Variants in AIG1 observed in about 807,000 individuals in gnomAD.
AIG1 encodes the protein androgen induced 1.
In AIG1, 23 loss-of-function variants were observed where a neutral mutation model predicts 31.4. The observed-to-expected ratio is 0.73, with a 90% confidence interval of 0.53 to 1.04. AIG1 has a LOEUF of 1.04. AIG1 is among the 50% of genes least tolerant of loss of function. The pLI is 0.00. For missense variants in AIG1, 274 were observed against 295.0 expected, an observed-to-expected ratio of 0.93 and a Z score of 0.52; for synonymous variants, 100 against 110.5, an observed-to-expected ratio of 0.90 and a Z score of 0.60.
rs182704673 is a variant in AIG1, at chr6:143,247,344, A to G, written c.400-36766A>G. Among the ~76,000 whole-genome samples, 20 of 152,288 alleles carry G rather than the reference A, an allele frequency of 1.3e-4. No homozygotes were observed. The East Asian group carries it at 3.5e-3, about 27-fold the overall frequency. On this transcript the variant is annotated intron_variant, in intron 3 of 5. Coordinates refer to ENST00000357847, the MANE Select transcript of AIG1 (RefSeq NM_016108.4). ...ACGGGGCTTCCCCATGTTAGCCAGG[A>G]TGGTCTTGATCTCCTAACCTCATAA...
intron 2 of AIG1, among the ~76,000 whole-genome samples, chr6:143,145,134 C>T (rs989413114): frequency 1.3e-5 from 2 of 152,146 alleles, no homozygotes; most frequent in African/African-American, 4.8e-5. Context: ...AAGTGATCCT[C>T]GCACCTCAGC....
In AIG1 at chr6:143,102,409, G is replaced by A. The variant is rs9403442; in HGVS notation, c.142-34426G>A. Among the ~76,000 whole-genome samples the A allele has an allele frequency of 2.9e-3, 423 of 148,008 alleles. 9 individuals are homozygous for A. In the East Asian group the frequency reaches 0.05, roughly 18 times the overall value. ...CAGCCGGAAGGGAAGGACTTAAAAC[G>A]TTTCATGAGATATTAAATGGAAATG... On this transcript the variant is annotated intron_variant, in intron 1 of 5. Coordinates refer to ENST00000357847, the MANE Select transcript of AIG1 (RefSeq NM_016108.4).
At chr6:143,314,619 A>T (rs1316883579) in intron 4 of AIG1, among the ~76,000 whole-genome samples, 1 of 152,184 alleles carries the variant, frequency 6.6e-6, no homozygotes, top group African/African-American at 2.4e-5. Flanking sequence ...TATGCACAGG[A>T]TCTATATGCA....
intron 4 of AIG1, among the ~76,000 whole-genome samples, chr6:143,316,431 T>A (rs1775744226): frequency 6.6e-6 from 1 of 152,090 alleles, no homozygotes. Context: ...ACCAATCCCT[T>A]CTAGCTTGTA....
intron 3 of AIG1, among the ~76,000 whole-genome samples, chr6:143,247,042 G>A (rs1417820249): frequency 2.6e-5 from 4 of 152,166 alleles, no homozygotes; most frequent in Non-Finnish European, 2.9e-5. Flanking sequence ...CTGTCCCCAT[G>A]GAGTTATAGG....
At chr6:143,285,582 T>C (rs1003075027) in intron 4 of AIG1, among the ~76,000 whole-genome samples, 1 of 151,738 alleles carries the variant, frequency 6.6e-6, no homozygotes, top group Non-Finnish European at 1.5e-5. Flanking sequence ...AAGAATCTCT[T>C]GAACCCGGGA....
At chr6:143,303,596 G>T in intron 4 of AIG1, among the ~76,000 whole-genome samples, 1 of 150,968 alleles carries the variant, frequency 6.6e-6, no homozygotes, top group South Asian at 2.1e-4. Context: ...TCTCTGTTTT[G>T]GTACCAGTAC....
At position 143,265,167 on chromosome 6, in the gene AIG1, A is replaced by G. The variant is rs372590732; in HGVS notation, c.400-18943A>G. ...TTCCTCCTGCAAAGGAAGATGAACT[A>G]CAAGCCTGGCAGTTTCATTGTTGTG... On this transcript the variant is annotated intron_variant, in intron 3 of 5. Transcript: ENST00000357847. 4.0e-4 allele frequency among the ~76,000 whole-genome samples: 61 copies of G among 152,344 alleles called. No individual in the cohort carries two copies. In the East Asian group the frequency reaches 4.8e-3, roughly 12 times the overall value.
rs1188398126 is a variant in AIG1, at chr6:143,171,514, T to A, written c.399+6331T>A. Among the ~76,000 whole-genome samples, 10 of 128,494 alleles carry A rather than the reference T, an allele frequency of 7.8e-5. No homozygotes were observed. In the East Asian group the frequency reaches 2.1e-3, roughly 27 times the overall value. The allele number at this position is 128,494 out of a possible 152,430, so 84.3% of individuals were successfully genotyped here. ...ATATATAATATATATTTAATATATATAATATATATATTTAATATATATATT... is the reference window on the plus strand; with the variant it reads ...ATATATAATATATATTTAATATATAAAATATATATATTTAATATATATATT... On this transcript the variant is annotated intron_variant, in intron 3 of 5. Transcript: ENST00000357847.
chr6:143,294,754 C>A lies in AIG1; in HGVS notation c.515+10529C>A, dbSNP rs142490011. On this transcript the variant is annotated intron_variant, in intron 4 of 5. Coordinates refer to ENST00000357847, the MANE Select transcript of AIG1 (RefSeq NM_016108.4). Reference sequence around the variant, plus strand: ...CAATTTGATACTAAAACAAACCCCCCCTCTTCCTGATACACTCTGTTCCTC... The same window carrying A: ...CAATTTGATACTAAAACAAACCCCCACTCTTCCTGATACACTCTGTTCCTC... 7.9e-3 allele frequency among the ~76,000 whole-genome samples: 1,207 copies of A among 152,218 alleles called. 36 individuals are homozygous for A. The highest frequency in any genetic ancestry group is 0.048 in the Admixed American group (729 of 15,274).
At chr6:143,092,719 A>G (rs568765454) in intron 1 of AIG1, among the ~76,000 whole-genome samples, 93 of 152,276 alleles carry the variant, frequency 6.1e-4, no homozygotes, top group South Asian at 2.5e-3. Flanking sequence ...CACCAGTCTC[A>G]TTAGCCCCTA....
At position 143,284,147 on chromosome 6, in the gene AIG1, G is replaced by A. The variant is rs1412855348; in HGVS notation, c.437G>A (p.Arg146Lys). 8 of 1,613,874 alleles carry A rather than the reference G, an allele frequency of 5.0e-6. No homozygotes were observed. The highest frequency in any genetic ancestry group is 1.7e-5 in the Admixed American group (1 of 59,998). The change falls in exon 4 of 6, where the codon AGG (arginine) becomes AAG (lysine). Residue 146 changes from arginine to lysine, a missense_variant. Transcript: ENST00000357847. This position sits in a 1 kb window ranked among gnomAD's most constrained non-coding sequence, Gnocchi z 4.4. ...TVLPFILIEM[R>K]TSHHQYPSRS... ...CTGCCCTTTATATTAATCGAGATGAGGACATCGCACCATCAGTATCCCAGC... is the reference window on the plus strand; with the variant it reads ...CTGCCCTTTATATTAATCGAGATGAAGACATCGCACCATCAGTATCCCAGC...
intron 3 of AIG1, chr6:143,189,956 G>A (rs1346530875): frequency 3.6e-6 from 2 of 550,410 alleles, no homozygotes; most frequent in African/African-American, 4.1e-5. Context: ...GTTCTGATGA[G>A]GATCCTCTTC....
chr6:143,248,829 C>A (rs1189809912), intron 3 of AIG1, among the ~76,000 whole-genome samples: 1 of 152,146 alleles, frequency 6.6e-6, no homozygotes, highest in Admixed American at 6.5e-5. Flanking sequence ...CACAGGAGAT[C>A]CTGAAGCACA....
At chr6:143,114,659 G>A (rs1367842806) in intron 1 of AIG1, among the ~76,000 whole-genome samples, 1 of 152,192 alleles carries the variant, frequency 6.6e-6, no homozygotes. Flanking sequence ...TATTCAATGG[G>A]TGTCAGCTTG....
intron 2 of AIG1, among the ~76,000 whole-genome samples, chr6:143,156,980 G>C (rs1785834105): frequency 6.6e-6 from 1 of 152,204 alleles, no homozygotes; most frequent in Admixed American, 6.5e-5. Flanking sequence ...CCCTGACTCT[G>C]AAGAGGGAAT....
At chr6:143,308,936 T>A (rs1562579840) in intron 4 of AIG1, among the ~76,000 whole-genome samples, 1 of 151,764 alleles carries the variant, frequency 6.6e-6, no homozygotes, top group Non-Finnish European at 1.5e-5. Flanking sequence ...CTGCCATATA[T>A]AAAATATATT....
Position 143,340,008 on chromosome 6 carries a change from TA to T in AIG1, c.*333del, listed in dbSNP as rs1486423713. The stretch of plus-strand genomic sequence containing the variant: ...ATCTAATCAAGAAAGAATAAAAGTT[TA>T]TTGCACTTCTTTTTGAGAAATATGT... On this transcript the variant is annotated 3_prime_UTR_variant, in exon 6 of 6. Coordinates refer to ENST00000357847, the MANE Select transcript of AIG1 (RefSeq NM_016108.4). 8 of 205,968 alleles carry T rather than the reference TA, an allele frequency of 3.9e-5. No individual in the cohort carries two copies. The highest frequency in any genetic ancestry group is 7.7e-5 in the Non-Finnish European group (8 of 104,012). The allele number at this position is 205,968 out of a possible 1,614,324, so 12.8% of individuals were successfully genotyped here. A position where few individuals can be genotyped will look rare whatever the true frequency, so the allele number is the denominator to read the frequency against.
chr6:143,128,364 A>G (rs1321640053), intron 1 of AIG1, among the ~76,000 whole-genome samples: 1 of 152,210 alleles, frequency 6.6e-6, no homozygotes, highest in African/African-American at 2.4e-5. Flanking sequence ...AAGATTTTAG[A>G]GAAATGAATA....
Sources: allele counts gnomAD v4.1 joint callset (sites outside exome capture counted in the v4.1 genomes callset), GRCh38; gene constraint gnomAD v4.1.1; non-coding constraint Gnocchi (gnomAD v3.1); transcripts MANE v1.5; gene names NCBI Gene and HGNC (gene_info 2026-07-23, HGNC 2026-07-21).